Variants in FRMPD4 observed in about 807,000 individuals in gnomAD.
FRMPD4 encodes FERM and PDZ domain containing 4.
In FRMPD4, 22 loss-of-function variants were observed where a neutral mutation model predicts 94.1. That is an observed-to-expected ratio of 0.23 (90% CI 0.17 to 0.33). FRMPD4 has a LOEUF of 0.33. Ranked by LOEUF, FRMPD4 falls within the 10% of genes least tolerant of loss-of-function variation. The pLI is 1.00. For missense variants in FRMPD4, 1,111 were observed against 1,339.9 expected (o/e 0.83, Z 2.67); for synonymous variants, 631 against 548.6 (o/e 1.15, Z -2.10).
At chrX:12,607,648 G>A (rs2059143914) in intron 2 of FRMPD4, among the ~76,000 whole-genome samples, 1 of 111,993 alleles carries the variant, frequency 8.9e-6, no homozygotes, top group Non-Finnish European at 1.9e-5. Context: ...TCCTATCTTG[G>A]CATTTGCAAA....
intron 1 of FRMPD4, among the ~76,000 whole-genome samples, chrX:12,287,649 T>C (rs1223348610): frequency 9.0e-6 from 1 of 111,635 alleles, no homozygotes; most frequent in Non-Finnish European, 1.9e-5. Flanking sequence ...AAGTGTTGAG[T>C]TGAGACCAAG....
At chrX:11,888,878 C>T (rs1264375908) in intron 3 of FRMPD4, among the ~76,000 whole-genome samples, 3 of 112,365 alleles carry the variant, frequency 2.7e-5, no homozygotes, top group Non-Finnish European at 5.6e-5. Context: ...AAAAATGGTG[C>T]TGATAAAGTT....
chrX:12,030,427 G>C (rs888206943), intron 3 of FRMPD4, among the ~76,000 whole-genome samples: 2 of 111,574 alleles, frequency 1.8e-5, no homozygotes, highest in Non-Finnish European at 3.8e-5. Context: ...GTGGGGGGGA[G>C]GTCCCGATGC....
chrX:11,915,202 A>G (rs1397502282), intron 3 of FRMPD4, among the ~76,000 whole-genome samples: 2 of 112,599 alleles, frequency 1.8e-5, no homozygotes, highest in African/African-American at 6.5e-5. Flanking sequence ...CTGAACACAG[A>G]GGTCAGATTC....
At chrX:12,404,853 C>A (rs2056649427) in intron 1 of FRMPD4, among the ~76,000 whole-genome samples, 1 of 111,771 alleles carries the variant, frequency 8.9e-6, no homozygotes, top group Admixed American at 9.5e-5. Context: ...CAGCCAGTCC[C>A]TCTTATAACT....
chrX:11,960,729 A>G (rs1940286367), intron 3 of FRMPD4, among the ~76,000 whole-genome samples: 1 of 111,868 alleles, frequency 8.9e-6, no homozygotes, highest in South Asian at 3.7e-4. Context: ...TTGTCAGTAT[A>G]TTGAATTCAA....
intron 3 of FRMPD4, among the ~76,000 whole-genome samples, chrX:11,881,889 C>T (rs1238131991): frequency 9.0e-6 from 1 of 111,607 alleles, no homozygotes; most frequent in East Asian, 2.8e-4. Context: ...GTGAATGCAG[C>T]GATTAAGACT....
At chrX:12,073,565 G>A (rs2054987821) in intron 3 of FRMPD4, among the ~76,000 whole-genome samples, 1 of 111,614 alleles carries the variant, frequency 9.0e-6, no homozygotes, top group Admixed American at 9.5e-5. Context: ...ATAATTTGCT[G>A]ACCCTTGTTT....
intron 1 of FRMPD4, among the ~76,000 whole-genome samples, chrX:12,484,382 C>T (rs941256342): frequency 2.9e-4 from 33 of 111,982 alleles, no homozygotes; most frequent in African/African-American, 1.0e-3. Context: ...TTGGAAAGCA[C>T]AGAGACTGTG....
intron 3 of FRMPD4, among the ~76,000 whole-genome samples, chrX:12,032,782 T>C (rs1380286336): frequency 5.4e-5 from 6 of 112,105 alleles, no homozygotes; most frequent in African/African-American, 1.9e-4. Context: ...TGATAACTTC[T>C]TTTTTCTCTA....
intron 1 of FRMPD4, among the ~76,000 whole-genome samples, chrX:12,296,817 G>A (rs969313492): frequency 1.1e-4 from 12 of 112,260 alleles, no homozygotes; most frequent in Admixed American, 1.0e-3. Context: ...CTCCATGCTG[G>A]TGGAAGAAGG....
Position 12,716,607 on chromosome X carries a change from T to C in FRMPD4, c.2148T>C (p.Tyr716=). ...TCCAGTTTGTGGAAAATTCTGTTTA[T>C]GCAAACATAGGCGATGTGAAGAGCT... ...EGIQFVENSV[Y]ANIGDVKSFQ... is the part of the protein sequence containing the mutation. The change falls in exon 15 of 17, where the codon TAT becomes TAC. Residue 716 remains tyrosine, a synonymous_variant. Coordinates refer to ENST00000675598, the MANE Select transcript of FRMPD4 (RefSeq NM_001368397.1). 8.3e-7 allele frequency: 1 copy of C among 1,211,664 alleles called. No homozygotes were observed. Among genetic ancestry groups the C allele is most frequent in the Non-Finnish European group, 1.1e-6 (1 of 895,405 alleles).
chrX:12,105,047 C>A (rs567470537), intron 3 of FRMPD4, among the ~76,000 whole-genome samples: 15 of 111,345 alleles, frequency 1.3e-4, no homozygotes, highest in African/African-American at 4.6e-4. Flanking sequence ...CACTGAAGAC[C>A]GAGTTCAGTT....
At chrX:12,479,181 A>C (rs1227647561) in intron 1 of FRMPD4, among the ~76,000 whole-genome samples, 1 of 109,864 alleles carries the variant, frequency 9.1e-6, no homozygotes, top group African/African-American at 3.3e-5. Context: ...AACATGGGAC[A>C]GTGGCAGATT....
chrX:12,660,576 G>A (rs891111212), intron 4 of FRMPD4, among the ~76,000 whole-genome samples: 2 of 112,405 alleles, frequency 1.8e-5, no homozygotes, highest in Non-Finnish European at 3.8e-5. Flanking sequence ...CTTGATAAGG[G>A]AGACATGTTG....
In FRMPD4 at chrX:12,690,230, C is replaced by A. The variant is rs2060066746; in HGVS notation, c.717C>A (p.Ile239=). 8.3e-7 allele frequency: 1 copy of A among 1,200,954 alleles called. No homozygotes were observed. Among genetic ancestry groups the A allele is most frequent in the Non-Finnish European group, 1.1e-6 (1 of 885,776 alleles). ...VILTLQEKLS[I]KGIEHFSLML... ...TAACCCTTCAAGAGAAGCTCTCCAT[C>A]AAAGGCATTGAACACTTCTCTCTCA... Residue 239 remains isoleucine (I), a synonymous_variant, in exon 8 of 17, where the codon ATC becomes ATA. Transcript: ENST00000675598.
intron 2 of FRMPD4, among the ~76,000 whole-genome samples, chrX:12,553,720 G>A (rs2058565589): frequency 9.2e-6 from 1 of 109,240 alleles, no homozygotes; most frequent in Non-Finnish European, 1.9e-5. Flanking sequence ...TGATTCTCAT[G>A]AAGCGAAATC....
At chrX:11,883,617 C>G (rs958330212) in intron 3 of FRMPD4, among the ~76,000 whole-genome samples, 4 of 111,825 alleles carry the variant, frequency 3.6e-5, no homozygotes, top group Non-Finnish European at 7.5e-5. Flanking sequence ...GTCCATGGTG[C>G]TTGAGGACAG....
At chrX:12,309,730 A>C (rs1326049986) in intron 1 of FRMPD4, among the ~76,000 whole-genome samples, 1 of 112,668 alleles carries the variant, frequency 8.9e-6, no homozygotes, top group Non-Finnish European at 1.9e-5. Flanking sequence ...TCTATTTTGG[A>C]AACAAATTAC....
Sources: gnomAD v4.1 joint callset for allele counts (sites outside exome capture counted in the v4.1 genomes callset) on GRCh38, gnomAD v4.1.1 for gene constraint, MANE v1.5 for transcripts, NCBI Gene and HGNC (gene_info 2026-07-23, HGNC 2026-07-21) for gene names.